MYO3B: variants seen among roughly 807,000 people sequenced by gnomAD.
MYO3B encodes the protein myosin IIIB.
Under a neutral mutation model 174.6 loss-of-function variants are expected in MYO3B, and 156 were observed. The observed-to-expected ratio is 0.89, with a 90% CI of 0.78 to 1.02. MYO3B has a LOEUF of 1.02. Ranked by LOEUF, MYO3B falls within the 50% of genes least tolerant of loss-of-function variation. MYO3B has a pLI of 0.00. For synonymous variants in MYO3B, 563 were observed against 569.1 expected, an observed-to-expected ratio of 0.99 and a Z score of 0.15; for missense variants, 1,632 against 1,639.4, an observed-to-expected ratio of 1.00 and a Z score of 0.08.
Position 170,369,381 on chromosome 2 carries a change from C to G in MYO3B, c.971+4C>G, listed in dbSNP as rs751471369. The G allele has an allele frequency of 1.7e-5, 28 of 1,609,444 alleles. No homozygotes were observed. The East Asian group carries it at 5.1e-4, about 30-fold the overall frequency. On this transcript the variant is annotated splice_donor_region_variant and intron_variant, in intron 9 of 34. Coordinates refer to ENST00000408978, the MANE Select transcript of MYO3B (RefSeq NM_138995.5). ...AAAATCCTGTTGCTAAAACCAGGTA[C>G]TGTACTCTCTTTCTTCTTTCTCCCT...
At chr2:170,247,900 T>C (rs2093209550) in intron 7 of MYO3B, among the ~76,000 whole-genome samples, 1 of 152,228 alleles carries the variant, frequency 6.6e-6, no homozygotes, top group African/African-American at 2.4e-5. Context: ...ATTCAGACCA[T>C]AGCACAAAGA....
intron 32 of MYO3B, among the ~76,000 whole-genome samples, chr2:170,556,737 G>T (rs1691327438): frequency 6.6e-6 from 1 of 152,188 alleles, no homozygotes; most frequent in Non-Finnish European, 1.5e-5. Context: ...AGCCAGGCTG[G>T]TCTCGAACTC....
intron 23 of MYO3B, among the ~76,000 whole-genome samples, chr2:170,458,764 G>T (rs1438740323): frequency 1.3e-5 from 2 of 152,178 alleles, no homozygotes; most frequent in Non-Finnish European, 2.9e-5. Flanking sequence ...CTTCTGGTTT[G>T]TTCCTTGTCG....
intron 25 of MYO3B, among the ~76,000 whole-genome samples, chr2:170,480,487 AT>A (rs1035630532): frequency 6.6e-6 from 1 of 152,200 alleles, no homozygotes; most frequent in African/African-American, 2.4e-5. Flanking sequence ...ATCCTTTATA[AT>A]GAACTGGTAA....
intron 32 of MYO3B, among the ~76,000 whole-genome samples, chr2:170,553,236 C>A (rs1341654963): frequency 6.6e-6 from 1 of 152,170 alleles, no homozygotes; most frequent in Non-Finnish European, 1.5e-5. Flanking sequence ...AATGGTAGAT[C>A]TACCAATACC....
chr2:170,235,149 T>G (rs749702017), intron 6 of MYO3B, among the ~76,000 whole-genome samples: 7 of 152,182 alleles, frequency 4.6e-5, no homozygotes, highest in Non-Finnish European at 8.8e-5. Flanking sequence ...CATTGAAGTC[T>G]CCCACCTGGC....
In MYO3B at chr2:170,463,384, T is replaced by A; in HGVS notation, c.2747T>A (p.Val916Glu). 6.2e-7 allele frequency: 1 copy of A among 1,613,680 alleles called. No individual in the cohort carries two copies. The highest frequency in any genetic ancestry group is 8.5e-7 in the Non-Finnish European group (1 of 1,180,002). ...TGCTTCCAGGTGGACACTCTGGAGG[T>A]GATACGGCATCCGGAAGAAACCACC... ...AGKAKVDTLE[V>E]IRHPEETTNM... Residue 916 changes from valine to glutamate, a missense_variant, in exon 24 of 35, where the codon GTG (valine) becomes GAG (glutamate). Val to Glu is a moderately radical substitution (Grantham distance 121). Coordinates refer to ENST00000408978, the MANE Select transcript of MYO3B (RefSeq NM_138995.5).
intron 7 of MYO3B, among the ~76,000 whole-genome samples, chr2:170,296,933 C>T (rs2093632540): frequency 6.6e-6 from 1 of 152,118 alleles, no homozygotes; most frequent in Non-Finnish European, 1.5e-5. Flanking sequence ...GCGATGACAG[C>T]ATCAAAGGAG....
chr2:170,210,590 G>A (rs1336155192), intron 3 of MYO3B, among the ~76,000 whole-genome samples: 1 of 152,118 alleles, frequency 6.6e-6, no homozygotes, highest in Admixed American at 6.5e-5. Flanking sequence ...ATGTCCCCAG[G>A]CCTTACTAAT....
chr2:170,372,514 T>C (rs2094256503), intron 9 of MYO3B, among the ~76,000 whole-genome samples: 1 of 152,232 alleles, frequency 6.6e-6, no homozygotes, highest in African/African-American at 2.4e-5. Flanking sequence ...CAATATCTAA[T>C]TTATTCATTC....
intron 25 of MYO3B, among the ~76,000 whole-genome samples, chr2:170,475,376 A>G (rs911116077): frequency 6.6e-6 from 1 of 152,152 alleles, no homozygotes; most frequent in African/African-American, 2.4e-5. Context: ...TCAGCCTACA[A>G]GCAACCGAAG....
intron 32 of MYO3B, among the ~76,000 whole-genome samples, chr2:170,605,586 G>A (rs1031741389): frequency 2.6e-5 from 4 of 152,148 alleles, no homozygotes; most frequent in South Asian, 2.1e-4. Flanking sequence ...GGCCGGGCAC[G>A]GTGGCTCACG....
chr2:170,310,387 G>A (rs2093729847), intron 7 of MYO3B, among the ~76,000 whole-genome samples: 1 of 152,128 alleles, frequency 6.6e-6, no homozygotes, highest in Admixed American at 6.6e-5. Context: ...ACTGGGCTGT[G>A]CGCAGTGGCT....
At chr2:170,220,427 G>A (rs902455935) in intron 6 of MYO3B, among the ~76,000 whole-genome samples, 1 of 151,692 alleles carries the variant, frequency 6.6e-6, no homozygotes, top group Non-Finnish European at 1.5e-5. Context: ...TCAGGAGATC[G>A]AGACCATCCT....
chr2:170,485,420 C>CACACACACAGAG (rs777460347), intron 25 of MYO3B, among the ~76,000 whole-genome samples: 1 of 127,908 alleles, frequency 7.8e-6, no homozygotes, highest in African/African-American at 3.0e-5. Context: ...CACACACACA[C>CACACACACAGAG]AGAGAGAGAG....
chr2:170,471,253 T>C (rs1248013914), intron 25 of MYO3B, among the ~76,000 whole-genome samples: 1 of 152,138 alleles, frequency 6.6e-6, no homozygotes, highest in Non-Finnish European at 1.5e-5. Context: ...TTTCACCATG[T>C]TGGTCAGGGT....
intron 9 of MYO3B, among the ~76,000 whole-genome samples, chr2:170,377,463 C>A (rs918056702): frequency 1.3e-5 from 2 of 152,180 alleles, no homozygotes; most frequent in Non-Finnish European, 2.9e-5. Flanking sequence ...TCTATTCTTA[C>A]GCTGCACTCA....
At chr2:170,490,718 C>T (rs1686414714) in intron 25 of MYO3B, among the ~76,000 whole-genome samples, 1 of 151,902 alleles carries the variant, frequency 6.6e-6, no homozygotes. Flanking sequence ...AAAGTTGTCT[C>T]CTAGTTTGAG....
At chr2:170,343,248 A>G (rs1019458512) in intron 8 of MYO3B, among the ~76,000 whole-genome samples, 1 of 152,064 alleles carries the variant, frequency 6.6e-6, no homozygotes, top group Non-Finnish European at 1.5e-5. Flanking sequence ...GAGCCTGGGC[A>G]ACAAAGTGAG....
Sources: gnomAD v4.1 joint callset for allele counts (sites outside exome capture counted in the v4.1 genomes callset) on GRCh38, gnomAD v4.1.1 for gene constraint, MANE v1.5 for transcripts, NCBI Gene and HGNC (gene_info 2026-07-23, HGNC 2026-07-21) for gene names.